Variants in TMEM50A observed in about 807,000 individuals in gnomAD.
The protein encoded by TMEM50A is cervical cancer oncogene 9.
TMEM50A carries 8 observed loss-of-function variants against 23.9 expected under a neutral mutation model. That is an observed-to-expected ratio of 0.33 (90% CI 0.20 to 0.60). The LOEUF (loss-of-function observed/expected upper bound fraction) is 0.60, where lower values mean the gene tolerates loss of function less well. Among genes scored for constraint, TMEM50A ranks in the 20% least tolerant of loss-of-function variants. TMEM50A has a pLI of 0.81. For missense variants in TMEM50A, 178 were observed against 192.7 expected, an observed-to-expected ratio of 0.92 and a Z score of 0.45; for synonymous variants, 55 against 60.4, an observed-to-expected ratio of 0.91 and a Z score of 0.41.
chr1:25,349,637 T>C (rs1218718557), intron 3 of TMEM50A, among the ~76,000 whole-genome samples: 5 of 152,186 alleles, frequency 3.3e-5, no homozygotes, highest in Non-Finnish European at 5.9e-5. Flanking sequence ...TTTTTTTTCA[T>C]AGATACAAGG....
intron 4 of TMEM50A, 62 bp downstream of exon 4, chr1:25,351,755 A>G: frequency 4.4e-6 from 6 of 1,359,382 alleles, no homozygotes; most frequent in Middle Eastern, 1.8e-4. Flanking sequence ...AGTATTTCAC[A>G]TGGAAATACC....
In TMEM50A at chr1:25,356,855, TAA is replaced by T. The variant is rs1645337991; in HGVS notation, c.428+3_428+4del. ...CCAGAATGCCTTCATCTTTTTTGGG[TAA>T]GTTTGTTTTGCATTCTTTATGTTTG... On this transcript the variant is annotated splice_donor_region_variant and intron_variant, in intron 6 of 6. Coordinates refer to ENST00000374358, the MANE Select transcript of TMEM50A (RefSeq NM_014313.4). The T allele has an allele frequency of 6.3e-7, 1 of 1,587,988 alleles. No individual in the cohort carries two copies. Among genetic ancestry groups the T allele is most frequent in the African/African-American group, 1.4e-5 (1 of 73,348 alleles).
At position 25,360,821 on chromosome 1, in the gene TMEM50A, G is replaced by T; in HGVS notation, c.*116G>T. On this transcript the variant is annotated 3_prime_UTR_variant, in exon 7 of 7. Transcript: ENST00000374358. ...AAACTTATTTCTGAGTGTAGTCTCA[G>T]CTTAAAGTTGTGTAATACTAAAATC... 1.8e-6 allele frequency: 2 copies of T among 1,138,282 alleles called. No individual in the cohort carries two copies. The allele number at this position is 1,138,282 out of a possible 1,614,324, so 70.5% of individuals were successfully genotyped here.
At position 25,360,934 on chromosome 1, in the gene TMEM50A, A is replaced by G. The variant is rs1645394695; in HGVS notation, c.*229A>G. The stretch of plus-strand genomic sequence containing the variant: ...TGTTAGAGGAAACTTTCACATGAAT[A>G]ATTTTTGTCAAATTTTATCATGGTA... On this transcript the variant is annotated 3_prime_UTR_variant, in exon 7 of 7. Transcript: ENST00000374358. 5.1e-6 allele frequency: 2 copies of G among 393,662 alleles called. No homozygotes were observed. Among genetic ancestry groups the G allele is most frequent in the Non-Finnish European group, 4.5e-6 (1 of 220,114 alleles). 24.4% of individuals were successfully genotyped at this position (393,662 alleles called of 1,614,324 possible). A position where few individuals can be genotyped will look rare whatever the true frequency, so the allele number is the denominator to read the frequency against.
chr1:25,351,706 A>C lies in TMEM50A; in HGVS notation c.274+13A>C. On this transcript the variant is annotated intron_variant, in intron 4 of 6. Coordinates refer to ENST00000374358, the MANE Select transcript of TMEM50A (RefSeq NM_014313.4). ...CTGGGTCAAACAGGTAAATAGGTGC[A>C]AACAGCATCTTATTATACATGCTTA... 1 of 1,607,706 alleles carries C rather than the reference A, an allele frequency of 6.2e-7. No individual in the cohort carries two copies. Among genetic ancestry groups the C allele is most frequent in the Non-Finnish European group, 8.5e-7 (1 of 1,177,304 alleles).
chr1:25,360,582 T>C (rs761567788), intron 6 of TMEM50A, 78 bp from the exon 7 acceptor site: 4 of 1,523,868 alleles, frequency 2.6e-6, no homozygotes, highest in Non-Finnish European at 3.6e-6. Context: ...CGTTGTTTGT[T>C]TCACACCATT....
chr1:25,351,492 G>T (rs1208585463), intron 3 of TMEM50A, 134 bp from the exon 4 acceptor site: 23 of 646,404 alleles, frequency 3.6e-5, no homozygotes, highest in Middle Eastern at 3.0e-4. Flanking sequence ...TTGAGCAACA[G>T]AGTGAGACCC....
At chr1:25,355,797 T>G (rs903779366) in intron 5 of TMEM50A, among the ~76,000 whole-genome samples, 2 of 152,194 alleles carry the variant, frequency 1.3e-5, no homozygotes, top group African/African-American at 4.8e-5. Flanking sequence ...ACTTCACTTC[T>G]AGATACAATC....
chr1:25,352,495 C>CAAA (rs766371248), intron 4 of TMEM50A, among the ~76,000 whole-genome samples: 3 of 58,962 alleles, frequency 5.1e-5, no homozygotes, highest in African/African-American at 1.0e-4. Context: ...GACTCTGCCT[C>CAAA]AAAAAAAAAA....
chr1:25,340,618 C>T (rs369703133), intron 2 of TMEM50A, 39 bp downstream of exon 2: 36 of 1,527,534 alleles, frequency 2.4e-5, no homozygotes, highest in Middle Eastern at 1.7e-4. Context: ...TTTTTTGGTG[C>T]GTTTGTGTTT....
At chr1:25,355,283 G>C (rs1222511330) in intron 5 of TMEM50A, among the ~76,000 whole-genome samples, 1 of 151,906 alleles carries the variant, frequency 6.6e-6, no homozygotes, top group Non-Finnish European at 1.5e-5. Context: ...ACTGCAGCCT[G>C]GGTAACAGTG....
chr1:25,360,945 A>C lies in TMEM50A; in HGVS notation c.*240A>C. The C allele has an allele frequency of 2.5e-6, 1 of 393,684 alleles. No individual in the cohort carries two copies. The highest frequency in any genetic ancestry group is 5.6e-5 in the South Asian group (1 of 17,718). 24.4% of individuals were successfully genotyped at this position (393,684 alleles called of 1,614,324 possible). A position where few individuals can be genotyped will look rare whatever the true frequency, so the allele number is the denominator to read the frequency against. On this transcript the variant is annotated 3_prime_UTR_variant, in exon 7 of 7. Transcript: ENST00000374358. ...ACTTTCACATGAATAATTTTTGTCA[A>C]ATTTTATCATGGTATAATTTGTAAA...
chr1:25,341,344 G>A (rs1048940905), intron 2 of TMEM50A, among the ~76,000 whole-genome samples: 3 of 151,868 alleles, frequency 2.0e-5, no homozygotes, highest in Non-Finnish European at 4.4e-5. Flanking sequence ...TGCAAGCTCC[G>A]CTTCCCGGGG....
chr1:25,343,579 A>G (rs1292140043), intron 3 of TMEM50A, among the ~76,000 whole-genome samples: 1 of 152,098 alleles, frequency 6.6e-6, no homozygotes, highest in East Asian at 1.9e-4. Flanking sequence ...TTTTTTTTTT[A>G]TAGAGAGGGT....
rs565853610 is a variant in TMEM50A at position 25,359,918 on chromosome 1, T to C, written c.429-742T>C. Among the ~76,000 whole-genome samples the C allele has an allele frequency of 6.6e-5, 10 of 152,246 alleles. No homozygotes were observed. The East Asian group carries it at 1.9e-3, about 29-fold the overall frequency. On this transcript the variant is annotated intron_variant, in intron 6 of 6. Transcript: ENST00000374358. ...GTTTCTGTGCCCCCTTAATACTTGTTATATAAGTCTCCTTCCCCAACCACC... is the reference window on the plus strand; with the variant it reads ...GTTTCTGTGCCCCCTTAATACTTGTCATATAAGTCTCCTTCCCCAACCACC...
chr1:25,345,059 T>G (rs1645199560), intron 3 of TMEM50A, among the ~76,000 whole-genome samples: 1 of 152,054 alleles, frequency 6.6e-6, no homozygotes, highest in South Asian at 2.1e-4. Context: ...ACTGTCACCA[T>G]GGGACTTCCC....
chr1:25,338,786 A>G (rs1323694755), intron 1 of TMEM50A: 1 of 152,082 alleles, frequency 6.6e-6, no homozygotes, highest in Non-Finnish European at 1.5e-5. Flanking sequence ...TGACCCGGCC[A>G]GCTCCCTCAG....
rs2124270091 is a variant in TMEM50A, at chr1:25,360,998, T to C, written c.*293T>C. The C allele has an allele frequency of 3.3e-6, 1 of 304,180 alleles. No individual in the cohort carries two copies. Among genetic ancestry groups the C allele is most frequent in the Non-Finnish European group, 6.1e-6 (1 of 162,700 alleles). The allele number at this position is 304,180 out of a possible 1,614,324, so 18.8% of individuals were successfully genotyped here. Reference sequence around the variant, plus strand: ...TAAAAAGAAATTACAAAAGAAATTATGGATTTGTCAATGTAAGTATTTGTC... The same window carrying C: ...TAAAAAGAAATTACAAAAGAAATTACGGATTTGTCAATGTAAGTATTTGTC... On this transcript the variant is annotated 3_prime_UTR_variant, in exon 7 of 7. Coordinates refer to ENST00000374358, the MANE Select transcript of TMEM50A (RefSeq NM_014313.4).
chr1:25,349,117 A>G (rs975467322), intron 3 of TMEM50A, among the ~76,000 whole-genome samples: 1 of 152,174 alleles, frequency 6.6e-6, no homozygotes, highest in African/African-American at 2.4e-5. Flanking sequence ...GGGGCAGGAG[A>G]AGCAGTGTGG....
Sources: gnomAD v4.1 joint callset for allele counts (sites outside exome capture counted in the v4.1 genomes callset) on GRCh38, gnomAD v4.1.1 for gene constraint, MANE v1.5 for transcripts, NCBI Gene and HGNC (gene_info 2026-07-23, HGNC 2026-07-21) for gene names.